The following TMC7 variants were observed in gnomAD, a reference collection of about 807,000 sequenced individuals.
The protein encoded by TMC7 is transmembrane channel-like protein 7.
In TMC7, 54 loss-of-function variants were observed where a neutral mutation model predicts 82.9. The observed-to-expected ratio is 0.65, with a 90% CI of 0.52 to 0.82. The LOEUF is 0.82. TMC7 is among the 40% of genes least tolerant of loss of function. The pLI, the probability that TMC7 is intolerant of heterozygous loss-of-function variation, is 0.00. For missense variants in TMC7, 820 were observed against 901.2 expected (o/e 0.91, Z 1.15); for synonymous variants, 350 against 337.9 (o/e 1.04, Z -0.39).
chr16:19,032,075 C>T (rs141722574), intron 6 of TMC7, among the ~76,000 whole-genome samples: 30 of 152,288 alleles, frequency 2.0e-4, no homozygotes, highest in East Asian at 3.9e-4. Flanking sequence ...GCCATCTCTG[C>T]GCCAGGGGGG....
intron 6 of TMC7, among the ~76,000 whole-genome samples, chr16:19,032,385 G>T (rs1349422856): frequency 1.3e-5 from 2 of 152,152 alleles, no homozygotes; most frequent in African/African-American, 2.4e-5. Flanking sequence ...AGCAGCCTCA[G>T]GCTGCTTTTG....
At chr16:19,032,602 G>A (rs1264004549) in intron 6 of TMC7, among the ~76,000 whole-genome samples, 1 of 151,502 alleles carries the variant, frequency 6.6e-6, no homozygotes, top group African/African-American at 2.4e-5. Flanking sequence ...CAAAGCCTTG[G>A]AGGGGGCCCT....
chr16:18,998,617 G>A (rs1379073256), intron 1 of TMC7, among the ~76,000 whole-genome samples: 1 of 152,266 alleles, frequency 6.6e-6, no homozygotes, highest in South Asian at 2.1e-4. Context: ...AGCCGGGCGT[G>A]GTGGCGGGCA....
intron 1 of TMC7, among the ~76,000 whole-genome samples, chr16:18,998,622 C>T (rs2039087333): frequency 6.6e-6 from 1 of 152,056 alleles, no homozygotes; most frequent in African/African-American, 2.4e-5. Context: ...GGCGTGGTGG[C>T]GGGCACCCAT....
At position 19,013,851 on chromosome 16, in the gene TMC7, C is replaced by CT. The variant is rs35402613; in HGVS notation, c.312-2579dup. The stretch of plus-strand genomic sequence containing the variant: ...GGTTTTTTTAACCTTAGCACTCTTG[C>CT]TTTTTTTTTTTTTTTTTTTTGAGAT... On this transcript the variant is annotated intron_variant, in intron 2 of 15. Coordinates refer to ENST00000304381, the MANE Select transcript of TMC7 (RefSeq NM_024847.4). Among the ~76,000 whole-genome samples, 136 of 87,094 alleles carry CT rather than the reference C, an allele frequency of 1.6e-3. 9 individuals carry two copies. Among genetic ancestry groups the CT allele is most frequent in the East Asian group, 5.0e-3 (14 of 2,810 alleles). 57.1% of individuals were successfully genotyped at this position (87,094 alleles called of 152,430 possible).
intron 1 of TMC7, among the ~76,000 whole-genome samples, chr16:18,998,657 G>A (rs907829665): frequency 2.0e-5 from 3 of 151,958 alleles, no homozygotes; most frequent in South Asian, 4.2e-4. Flanking sequence ...GGGAGGCTGA[G>A]GCAGGAGAAT....
intron 8 of TMC7, among the ~76,000 whole-genome samples, 154 bp from the exon 9 acceptor site, chr16:19,040,135 A>G (rs1447904351): frequency 1.3e-5 from 2 of 151,200 alleles, no homozygotes; most frequent in African/African-American, 2.4e-5. Context: ...AAAAAAAAAA[A>G]AAAGGAACGA....
intron 1 of TMC7, among the ~76,000 whole-genome samples, chr16:18,986,932 G>A (rs1567494840): frequency 6.6e-6 from 1 of 151,886 alleles, no homozygotes; most frequent in Non-Finnish European, 1.5e-5. Flanking sequence ...AGCCTCCCGA[G>A]TAGCTGGGAC....
intron 15 of TMC7, chr16:19,059,697 G>A (rs1227388466): frequency 4.6e-6 from 7 of 1,528,202 alleles, no homozygotes; most frequent in Admixed American, 2.0e-5. Context: ...TGTATTAAGG[G>A]GGATGTGGTG....
intron 10 of TMC7, 88 bp from the exon 11 acceptor site, chr16:19,045,253 G>A (rs2142283814): frequency 9.2e-7 from 1 of 1,091,020 alleles, no homozygotes; most frequent in Non-Finnish European, 1.4e-6. Context: ...ATCTGGAGTT[G>A]GAAAGGGAAT....
chr16:19,048,420 T>C (rs1218317395), intron 12 of TMC7, among the ~76,000 whole-genome samples: 1 of 152,066 alleles, frequency 6.6e-6, no homozygotes, highest in Non-Finnish European at 1.5e-5. Context: ...TTTTCTTTCT[T>C]TATTTTATTT....
chr16:19,030,601 CAG>C (rs1296418327), intron 6 of TMC7, among the ~76,000 whole-genome samples: 5 of 145,936 alleles, frequency 3.4e-5, no homozygotes, highest in African/African-American at 1.0e-4. Flanking sequence ...TTTTTCCAGA[CAG>C]AGTCTTTCTC....
At chr16:19,033,048 A>G (rs958777456) in intron 6 of TMC7, among the ~76,000 whole-genome samples, 1 of 152,154 alleles carries the variant, frequency 6.6e-6, no homozygotes, top group African/African-American at 2.4e-5. Context: ...TAATGGGAGA[A>G]AGGCCTGCTG....
intron 5 of TMC7, among the ~76,000 whole-genome samples, chr16:19,029,928 C>T (rs1960431109): frequency 6.6e-6 from 1 of 152,104 alleles, no homozygotes; most frequent in Non-Finnish European, 1.5e-5. Flanking sequence ...GTTGGCCAGG[C>T]TGGTCTTGAA....
At chr16:19,041,066 A>T (rs8061740) in intron 9 of TMC7, among the ~76,000 whole-genome samples, 1,728 of 148,182 alleles carry the variant, frequency 0.012, 31 homozygotes, top group African/African-American at 0.037. Flanking sequence ...AATTAAAAAA[A>T]TTTTTTTTTT....
At chr16:19,014,776 G>A (rs1959590706) in intron 2 of TMC7, among the ~76,000 whole-genome samples, 1 of 152,054 alleles carries the variant, frequency 6.6e-6, no homozygotes, top group African/African-American at 2.4e-5. Context: ...CTCAGGATCA[G>A]CTTTGTGGGC....
chr16:19,016,554 C>T lies in TMC7; in HGVS notation c.416C>T (p.Thr139Met), dbSNP rs766258887. ...KRFLEKAREM[T>M]THLELWREDI... is the part of the protein sequence containing the mutation. The stretch of plus-strand genomic sequence containing the variant: ...TTCCTAGAGAAGGCTCGAGAGATGA[C>T]GACCCACCTGGAGCTGTGGCGGGAG... The change falls in exon 3 of 16, where the codon ACG becomes ATG. Residue 139 changes from threonine to methionine, a missense_variant. Around this residue, in one of 2 missense-constraint regions of TMC7, gnomAD observed 650 missense variants for 669.9 expected, o/e 0.97. Transcript: ENST00000304381. 2.0e-5 allele frequency: 32 copies of T among 1,613,942 alleles called. No individual in the cohort carries two copies. In the Admixed American group the frequency reaches 2.5e-4, roughly 13 times the overall value.
intron 6 of TMC7, among the ~76,000 whole-genome samples, chr16:19,032,543 A>G: frequency 7.4e-6 from 1 of 134,386 alleles, no homozygotes; most frequent in African/African-American, 2.8e-5. Flanking sequence ...TGTTTTGTAA[A>G]TGATAAAAAA....
At position 19,037,939 on chromosome 16, in the gene TMC7, C is replaced by T. The variant is rs756084292; in HGVS notation, c.1071C>T (p.Arg357=). The change falls in exon 8 of 16, where the codon CGC becomes CGT. Residue 357 remains arginine, a synonymous_variant. Transcript: ENST00000304381. ...AAAGGACCTCAGAAGAAACAATACG[C>T]ATTTACTCTTTGAGACTGTTTTTGA... is the stretch of plus-strand genomic sequence containing the variant. ...IAERTSEETI[R]IYSLRLFLNC... The T allele has an allele frequency of 6.2e-7, 1 of 1,614,036 alleles. No homozygotes were observed. Among genetic ancestry groups the T allele is most frequent in the East Asian group, 2.2e-5 (1 of 44,864 alleles).
Sources: gnomAD v4.1 joint callset for allele counts (sites outside exome capture counted in the v4.1 genomes callset) on GRCh38, gnomAD v4.1.1 for gene constraint, gnomAD v4.1.1 regional missense constraint, MANE v1.5 for transcripts, NCBI Gene and HGNC (gene_info 2026-07-23, HGNC 2026-07-21) for gene names.